Variants in PCDH17 observed in about 807,000 individuals in gnomAD.
The protein encoded by PCDH17 is protocadherin 17.
PCDH17 carries 21 observed loss-of-function variants against 67.7 expected under a neutral mutation model. The observed-to-expected ratio is 0.31, with a 90% CI of 0.22 to 0.45. The LOEUF (loss-of-function observed/expected upper bound fraction) is 0.45, where lower values mean the gene tolerates loss of function less well. Ranked by LOEUF, PCDH17 falls within the 20% of genes least tolerant of loss-of-function variation. The pLI is 1.00. For synonymous variants in PCDH17, 701 were observed against 656.7 expected, an observed-to-expected ratio of 1.07 and a Z score of -1.03; for missense variants, 1,471 against 1,564.8, an observed-to-expected ratio of 0.94 and a Z score of 1.01.
At chr13:57,701,050 C>T (rs956225806) in intron 3 of PCDH17, among the ~76,000 whole-genome samples, 1 of 152,030 alleles carries the variant, frequency 6.6e-6, no homozygotes, top group Non-Finnish European at 1.5e-5. Context: ...TCTTTTGAGT[C>T]ACCATTTTTT....
chr13:57,640,476 AG>A (rs1324532103), intron 1 of PCDH17, among the ~76,000 whole-genome samples: 2 of 152,058 alleles, frequency 1.3e-5, no homozygotes, highest in Non-Finnish European at 2.9e-5. Flanking sequence ...TATACATTTT[AG>A]TTCAAAAGTA....
intron 3 of PCDH17, among the ~76,000 whole-genome samples, chr13:57,684,087 G>A (rs372316864): frequency 1.3e-5 from 2 of 151,804 alleles, no homozygotes; most frequent in East Asian, 1.9e-4. Flanking sequence ...TTAAAAGAAC[G>A]ACTCTCCAGA....
At chr13:57,702,232 T>C (rs1359690050) in intron 3 of PCDH17, among the ~76,000 whole-genome samples, 1 of 152,048 alleles carries the variant, frequency 6.6e-6, no homozygotes, top group African/African-American at 2.4e-5. Flanking sequence ...TTCTTTTTGG[T>C]ACCAAAACGT....
chr13:57,653,259 C>T (rs1266717212), intron 1 of PCDH17, among the ~76,000 whole-genome samples: 2 of 151,966 alleles, frequency 1.3e-5, no homozygotes, highest in Non-Finnish European at 2.9e-5. Flanking sequence ...GATTTCATTG[C>T]TTTTCTTTGT....
intron 1 of PCDH17, among the ~76,000 whole-genome samples, chr13:57,641,057 A>G (rs985682287): frequency 2.0e-5 from 3 of 151,972 alleles, no homozygotes; most frequent in Non-Finnish European, 4.4e-5. Flanking sequence ...TATATTAGTT[A>G]GAGAATAGCA....
In PCDH17 at chr13:57,634,186, C is replaced by T. The variant is rs747666257; in HGVS notation, c.1640C>T (p.Ala547Val). The T allele has an allele frequency of 6.2e-7, 1 of 1,613,526 alleles. No individual in the cohort carries two copies. The change falls in exon 1 of 4, where the codon GCT (alanine) becomes GTT (valine). Residue 547 changes from alanine (A) to valine (V), a missense_variant. Ala to Val is a moderately conservative substitution (Grantham distance 64). Coordinates refer to ENST00000377918, the MANE Select transcript of PCDH17 (RefSeq NM_001040429.3). This position sits in a 1 kb window ranked among gnomAD's most constrained non-coding sequence, Gnocchi z 7.8. ...TCCTTTAACTTCGAGCAGACCAAGGCTTTTGAGTTCAAGGTGCTTGCTAAG... is the reference window on the plus strand; with the variant it reads ...TCCTTTAACTTCGAGCAGACCAAGGTTTTTGAGTTCAAGGTGCTTGCTAAG... ...LRSFNFEQTK[A>V]FEFKVLAKDS...
chr13:57,690,233 G>C (rs996782152), intron 3 of PCDH17, among the ~76,000 whole-genome samples: 1 of 151,468 alleles, frequency 6.6e-6, no homozygotes. Flanking sequence ...ATTCATGCTG[G>C]GTTTTTACTG....
chr13:57,684,474 T>C (rs1324999037), intron 3 of PCDH17, among the ~76,000 whole-genome samples: 1 of 151,886 alleles, frequency 6.6e-6, no homozygotes, highest in East Asian at 1.9e-4. Context: ...TGCCTGGAAA[T>C]TGTACCAGGT....
At chr13:57,644,594 C>A (rs776558466) in intron 1 of PCDH17, among the ~76,000 whole-genome samples, 1 of 151,214 alleles carries the variant, frequency 6.6e-6, no homozygotes, top group Admixed American at 6.6e-5. Flanking sequence ...ATTACAATAC[C>A]CCCCTTGGGC....
intron 3 of PCDH17, among the ~76,000 whole-genome samples, chr13:57,717,258 A>G (rs1955826087): frequency 7.2e-6 from 1 of 138,778 alleles, no homozygotes; most frequent in African/African-American, 2.7e-5. Context: ...ATGCCATGGG[A>G]CACAAATGAT....
chr13:57,702,655 T>C (rs567012431), intron 3 of PCDH17, among the ~76,000 whole-genome samples: 1 of 152,244 alleles, frequency 6.6e-6, no homozygotes, highest in Admixed American at 6.5e-5. Flanking sequence ...AGTCAAAGGA[T>C]AGTAGATATA....
At chr13:57,680,139 C>CGT (rs1955434855) in intron 3 of PCDH17, among the ~76,000 whole-genome samples, 1 of 148,504 alleles carries the variant, frequency 6.7e-6, no homozygotes, top group Non-Finnish European at 1.5e-5. Flanking sequence ...GTTATATCTA[C>CGT]ATATATATAT....
chr13:57,701,921 G>T (rs538078034), intron 3 of PCDH17, among the ~76,000 whole-genome samples: 1 of 151,970 alleles, frequency 6.6e-6, no homozygotes, highest in African/African-American at 2.4e-5. Flanking sequence ...AACAATAACT[G>T]TACGGGTTTT....
intron 3 of PCDH17, among the ~76,000 whole-genome samples, chr13:57,714,620 T>A (rs1054587565): frequency 4.0e-5 from 6 of 151,760 alleles, no homozygotes; most frequent in African/African-American, 1.4e-4. Context: ...GAATTTTAAA[T>A]TTGTCCTTGT....
At chr13:57,700,096 A>G (rs918696534) in intron 3 of PCDH17, among the ~76,000 whole-genome samples, 13 of 152,128 alleles carry the variant, frequency 8.5e-5, no homozygotes, top group African/African-American at 1.2e-4. Context: ...TCAACCTGTT[A>G]TGAGTAACTA....
chr13:57,643,539 G>C (rs1180098592), intron 1 of PCDH17, among the ~76,000 whole-genome samples: 3 of 151,214 alleles, frequency 2.0e-5, no homozygotes, highest in Non-Finnish European at 4.4e-5. Flanking sequence ...TGTCTTCTTG[G>C]GTCCCACCAG....
At chr13:57,675,396 G>A (rs184490309) in intron 3 of PCDH17, among the ~76,000 whole-genome samples, 78 of 151,892 alleles carry the variant, frequency 5.1e-4, no homozygotes, top group Middle Eastern at 3.4e-3. Context: ...GGTATACCAC[G>A]GAATACAAAG....
At chr13:57,630,863 A>G (rs1954710300), upstream of PCDH17, among the ~76,000 whole-genome samples, 1 of 152,200 alleles carries the variant, frequency 6.6e-6, no homozygotes, top group South Asian at 2.1e-4. Context: ...CTCATCCGGC[A>G]GATCGGAACA....
At chr13:57,721,005 T>C (rs1955868052) in intron 3 of PCDH17, among the ~76,000 whole-genome samples, 1 of 152,138 alleles carries the variant, frequency 6.6e-6, no homozygotes, top group African/African-American at 2.4e-5. Context: ...CAGGGAATCA[T>C]GCTTTTAAAA....
Sources: gnomAD v4.1 joint callset for allele counts (sites outside exome capture counted in the v4.1 genomes callset) on GRCh38, gnomAD v4.1.1 for gene constraint, Gnocchi (gnomAD v3.1) non-coding constraint, MANE v1.5 for transcripts, NCBI Gene and HGNC (gene_info 2026-07-23, HGNC 2026-07-21) for gene names.